Variants in ZNF362 observed in about 807,000 individuals in gnomAD.
ZNF362 encodes the protein zinc finger protein 362, also known as rotund homolog.
In ZNF362, 11 loss-of-function variants were observed where a neutral mutation model predicts 42.9. The ratio of observed to expected loss-of-function variants is 0.26; its 90% confidence interval spans 0.16 to 0.42. The LOEUF (loss-of-function observed/expected upper bound fraction) is 0.42, where lower values mean the gene tolerates loss of function less well. Ranked by LOEUF, ZNF362 falls within the 20% of genes least tolerant of loss-of-function variation. The pLI is 1.00. For missense variants in ZNF362, 362 were observed against 576.2 expected (o/e 0.63, Z 3.81); for synonymous variants, 255 against 257.3 (o/e 0.99, Z 0.09).
At chr1:33,146,315 G>T in the ZNF362 span, 1 of 172,984 alleles carries the variant, frequency 5.8e-6, no homozygotes, top group Non-Finnish European at 1.2e-5. Flanking sequence ...CCAGTGCTTG[G>T]GTCCTAATTA....
chr1:33,228,757 C>T, the ZNF362 span, among the ~76,000 whole-genome samples: 1 of 152,288 alleles, frequency 6.6e-6, no homozygotes, highest in East Asian at 1.9e-4. Context: ...GACCTCCCTG[C>T]TTCCAACTTT....
Position 33,270,550 on chromosome 1 carries a change from G to T in ZNF362, c.-25G>T. ...TTCAGGGAAAGCTCCGTAGAAGAGG[G>T]AACACTTGAGCTGGGTCTTGAAGGA... On this transcript the variant is annotated 5_prime_UTR_variant, in exon 2 of 9. Coordinates refer to ENST00000539719, the MANE Select transcript of ZNF362 (RefSeq NM_152493.3). 1 of 1,505,300 alleles carries T rather than the reference G, an allele frequency of 6.6e-7. No individual in the cohort carries two copies. Among genetic ancestry groups the T allele is most frequent in the Non-Finnish European group, 9.2e-7 (1 of 1,081,906 alleles). The allele number at this position is 1,505,300 out of a possible 1,614,324, so 93.2% of individuals were successfully genotyped here. A position where few individuals can be genotyped will look rare whatever the true frequency, so the allele number is the denominator to read the frequency against.
At chr1:33,250,899 A>AAGAAGAAGG in the ZNF362 span, among the ~76,000 whole-genome samples, 2 of 147,738 alleles carry the variant, frequency 1.4e-5, no homozygotes, top group Admixed American at 1.3e-4. Flanking sequence ...GAAGAAGGAG[A>AAGAAGAAGG]AGAAGAAGGT....
At chr1:33,145,733 G>A in the ZNF362 span, 1 of 385,010 alleles carries the variant, frequency 2.6e-6, no homozygotes, top group South Asian at 2.0e-5. Context: ...CCACCTCTGG[G>A]CAGGGATAGA....
the ZNF362 span, among the ~76,000 whole-genome samples, chr1:33,137,569 C>T: frequency 6.6e-6 from 1 of 152,088 alleles, no homozygotes; most frequent in African/African-American, 2.4e-5. Flanking sequence ...TATATTTCCC[C>T]TTGTATAATT....
intron 1 of ZNF362, among the ~76,000 whole-genome samples, chr1:33,259,360 G>A (rs12033146): frequency 6.6e-6 from 1 of 152,296 alleles, no homozygotes; most frequent in East Asian, 1.9e-4. Context: ...TGCAGTCTTG[G>A]GGGGTGGAGG....
At chr1:33,292,845 G>A (rs575345477) in intron 6 of ZNF362, among the ~76,000 whole-genome samples, 62 of 152,322 alleles carry the variant, frequency 4.1e-4, no homozygotes, top group Middle Eastern at 3.4e-3. Flanking sequence ...GGCCTCAGGC[G>A]GAGTTGGTCC....
chr1:33,224,066 A>G, the ZNF362 span, among the ~76,000 whole-genome samples: 1 of 152,160 alleles, frequency 6.6e-6, no homozygotes, highest in Admixed American at 6.5e-5. Flanking sequence ...TTTCATACAC[A>G]ATGTTAAAAT....
chr1:33,136,493 C>T, the ZNF362 span, among the ~76,000 whole-genome samples: 13 of 151,718 alleles, frequency 8.6e-5, no homozygotes, highest in Non-Finnish European at 1.8e-4. Flanking sequence ...CTCAGCCTAC[C>T]GAGTAGCTGG....
At chr1:33,215,647 A>G in the ZNF362 span, among the ~76,000 whole-genome samples, 1 of 152,174 alleles carries the variant, frequency 6.6e-6, no homozygotes, top group Admixed American at 6.5e-5. Flanking sequence ...TGGAGTATCC[A>G]TAGTCACTAA....
chr1:33,295,132 G>C lies in ZNF362; in HGVS notation c.988-15G>C. 1.2e-6 allele frequency: 2 copies of C among 1,613,604 alleles called. No individual in the cohort carries two copies. The highest frequency in any genetic ancestry group is 4.5e-5 in the East Asian group (2 of 44,828). On this transcript the variant is annotated splice_polypyrimidine_tract_variant and intron_variant, in intron 7 of 8. Transcript: ENST00000539719. The stretch of plus-strand genomic sequence containing the variant: ...AGCCCTGTTCCTCTCCTGACCCCCT[G>C]CTGTGCCCCTACAGTCTCACCAGCG...
Position 33,281,568 on chromosome 1 carries a change from C to A in ZNF362, c.684-19C>A, listed in dbSNP as rs375314694. 8.1e-6 allele frequency: 13 copies of A among 1,613,122 alleles called. No individual in the cohort carries two copies. In the African/African-American group the frequency reaches 1.7e-4, roughly 22 times the overall value. ...AGTCTGGGGGATCTTCCCACGTGAA[C>A]CTGTCTCTTGCTCCGCAGGTGTAAG... On this transcript the variant is annotated intron_variant, in intron 5 of 8. Transcript: ENST00000539719. The surrounding 1 kb of genome is among the most constrained non-coding windows in gnomAD (Gnocchi z 4.8).
At chr1:33,153,100 G>T in the ZNF362 span, among the ~76,000 whole-genome samples, 1 of 152,320 alleles carries the variant, frequency 6.6e-6, no homozygotes, top group East Asian at 1.9e-4. Flanking sequence ...TGCTGGATGG[G>T]GTTCTCAGGT....
the ZNF362 span, among the ~76,000 whole-genome samples, chr1:33,132,131 T>A: frequency 6.6e-6 from 1 of 152,142 alleles, no homozygotes; most frequent in East Asian, 1.9e-4. Context: ...AATCAGGGTG[T>A]ATCTACTCTG....
the ZNF362 span, among the ~76,000 whole-genome samples, chr1:33,242,867 C>T: frequency 6.6e-6 from 1 of 152,200 alleles, no homozygotes; most frequent in African/African-American, 2.4e-5. Flanking sequence ...GCTTCCTCTC[C>T]TCCCTTCCCC....
At chr1:33,270,224 G>T (rs188616982) in intron 1 of ZNF362, among the ~76,000 whole-genome samples, 2 of 152,102 alleles carry the variant, frequency 1.3e-5, no homozygotes, top group Non-Finnish European at 1.5e-5. Flanking sequence ...GAGGACACCC[G>T]GGAAAATATA....
chr1:33,164,030 C>G, the ZNF362 span: 5 of 152,264 alleles, frequency 3.3e-5, no homozygotes, highest in Admixed American at 3.3e-4. Context: ...CATAATACTC[C>G]GCTCTCATAC....
chr1:33,191,429 C>A, the ZNF362 span, among the ~76,000 whole-genome samples: 6 of 152,212 alleles, frequency 3.9e-5, no homozygotes, highest in African/African-American at 1.4e-4. Flanking sequence ...GCAGGCACAT[C>A]TTCCAGCTTT....
At chr1:33,263,491 A>C (rs1570382621) in intron 1 of ZNF362, among the ~76,000 whole-genome samples, 1 of 151,690 alleles carries the variant, frequency 6.6e-6, no homozygotes, top group African/African-American at 2.4e-5. Context: ...GCTCGCTGCA[A>C]CCTCCACCTT....
Sources: allele counts gnomAD v4.1 joint callset (sites outside exome capture counted in the v4.1 genomes callset), GRCh38; gene constraint gnomAD v4.1.1; non-coding constraint Gnocchi (gnomAD v3.1); transcripts MANE v1.5; gene names NCBI Gene and HGNC (gene_info 2026-07-23, HGNC 2026-07-21).